RANBP2: variants seen among roughly 807,000 people sequenced by gnomAD.
RANBP2 encodes the protein E3 SUMO-protein ligase RanBP2.
In RANBP2, 57 loss-of-function variants were observed where a neutral mutation model predicts 303.6. That is an observed-to-expected ratio of 0.19 (90% CI 0.15 to 0.23). RANBP2 has a LOEUF of 0.23. Ranked by LOEUF, RANBP2 falls within the 10% of genes least tolerant of loss-of-function variation. The pLI, the probability that RANBP2 is intolerant of heterozygous loss-of-function variation, is 1.00. For synonymous variants in RANBP2, 1,167 were observed against 1,301.5 expected, an observed-to-expected ratio of 0.90 and a Z score of 2.23; for missense variants, 3,138 against 3,780.8, an observed-to-expected ratio of 0.83 and a Z score of 4.46.
chr2:109,487,704 G>A, the RANBP2 span, among the ~76,000 whole-genome samples: 19 of 152,168 alleles, frequency 1.2e-4, no homozygotes, highest in East Asian at 1.6e-3. Context: ...CATACCCCAC[G>A]TCCAGGCCCA....
the RANBP2 span, among the ~76,000 whole-genome samples, chr2:109,464,280 ACATT>A: frequency 6.6e-6 from 1 of 152,222 alleles, no homozygotes; most frequent in Admixed American, 6.5e-5. Context: ...AAATATACAC[ACATT>A]CATACATATA....
At chr2:109,559,246 G>A in the RANBP2 span, among the ~76,000 whole-genome samples, 1 of 152,148 alleles carries the variant, frequency 6.6e-6, no homozygotes, top group South Asian at 2.1e-4. Flanking sequence ...ACTATAATGA[G>A]CTACAAAAGC....
the RANBP2 span, among the ~76,000 whole-genome samples, chr2:109,660,467 A>G: frequency 6.6e-6 from 1 of 152,160 alleles, no homozygotes; most frequent in African/African-American, 2.4e-5. Context: ...CTTTCATTGC[A>G]TTGTGTGTTT....
the RANBP2 span, among the ~76,000 whole-genome samples, chr2:108,853,878 AATATAT>A: frequency 1.6e-5 from 2 of 124,856 alleles, no homozygotes; most frequent in African/African-American, 3.1e-5. Context: ...TATACTATAT[AATATAT>A]TATATAGTAT....
the RANBP2 span, among the ~76,000 whole-genome samples, chr2:109,431,654 T>C: frequency 6.6e-6 from 1 of 152,164 alleles, no homozygotes; most frequent in African/African-American, 2.4e-5. Flanking sequence ...GGAGGATTGC[T>C]TGAGACTAGG....
the RANBP2 span, among the ~76,000 whole-genome samples, chr2:109,667,616 T>A: frequency 3.3e-5 from 5 of 152,144 alleles, no homozygotes; most frequent in Admixed American, 3.3e-4. Flanking sequence ...TGTATCTCCA[T>A]GCCAACAATG....
chr2:108,930,702 T>C, the RANBP2 span, among the ~76,000 whole-genome samples: 1 of 152,260 alleles, frequency 6.6e-6, no homozygotes, highest in East Asian at 1.9e-4. Context: ...CACAGGGCTG[T>C]GTGTATCACA....
At chr2:109,045,705 C>T in the RANBP2 span, among the ~76,000 whole-genome samples, 9 of 152,064 alleles carry the variant, frequency 5.9e-5, no homozygotes, top group Admixed American at 5.2e-4. Flanking sequence ...ACTGGGGTTC[C>T]TGTGTGTGTT....
At chr2:108,800,090 T>G in the RANBP2 span, among the ~76,000 whole-genome samples, 1 of 152,284 alleles carries the variant, frequency 6.6e-6, no homozygotes, top group South Asian at 2.1e-4. Flanking sequence ...GATCTGTTGA[T>G]TATCTTTTTT....
the RANBP2 span, among the ~76,000 whole-genome samples, chr2:108,812,045 A>T: frequency 6.6e-6 from 1 of 152,194 alleles, no homozygotes. Context: ...TAAAAAAATA[A>T]TTGGATACCC....
chr2:109,582,804 A>G, the RANBP2 span, among the ~76,000 whole-genome samples: 6 of 152,234 alleles, frequency 3.9e-5, no homozygotes, highest in Non-Finnish European at 7.3e-5. Flanking sequence ...TAACCAAGAC[A>G]GCATGGTTGT....
At chr2:108,816,548 T>G in the RANBP2 span, among the ~76,000 whole-genome samples, 1 of 50,138 alleles carries the variant, frequency 2.0e-5, no homozygotes, top group Non-Finnish European at 4.6e-5. Flanking sequence ...GGGTATCACA[T>G]GGCTGGGGGC....
the RANBP2 span, among the ~76,000 whole-genome samples, chr2:108,944,986 T>C: frequency 6.6e-6 from 1 of 152,186 alleles, no homozygotes; most frequent in Non-Finnish European, 1.5e-5. Flanking sequence ...AAGGTTTCAG[T>C]GATCACCGTA....
the RANBP2 span, among the ~76,000 whole-genome samples, chr2:109,265,111 T>C: frequency 1.3e-5 from 2 of 152,098 alleles, no homozygotes; most frequent in African/African-American, 2.4e-5. Context: ...ACTTGAGGCG[T>C]TGCGAAATAG....
At chr2:108,805,920 G>A in the RANBP2 span, among the ~76,000 whole-genome samples, 10 of 152,076 alleles carry the variant, frequency 6.6e-5, no homozygotes, top group African/African-American at 2.4e-4. Flanking sequence ...GTAGATGTTG[G>A]AGCAGAAATT....
At chr2:109,127,857 A>C in the RANBP2 span, 1 of 152,242 alleles carries the variant, frequency 6.6e-6, no homozygotes, top group African/African-American at 2.4e-5. Flanking sequence ...AAAGCTATGG[A>C]AGTAAATATA....
the RANBP2 span, among the ~76,000 whole-genome samples, chr2:109,170,576 C>T: frequency 6.6e-6 from 1 of 152,076 alleles, no homozygotes; most frequent in Non-Finnish European, 1.5e-5. Flanking sequence ...GATCTCCTGA[C>T]CTCAACCTCG....
the RANBP2 span, among the ~76,000 whole-genome samples, chr2:109,016,829 G>A: frequency 2.6e-5 from 4 of 152,208 alleles, no homozygotes; most frequent in South Asian, 4.1e-4. Flanking sequence ...TGTGGCAGTC[G>A]CTGGCAGATA....
At chr2:109,290,830 A>T in the RANBP2 span, among the ~76,000 whole-genome samples, 2 of 152,250 alleles carry the variant, frequency 1.3e-5, no homozygotes, top group East Asian at 3.8e-4. Context: ...TGCCTGAAAC[A>T]TCTTTTCCAT....
Sources: gnomAD v4.1 joint callset for allele counts (sites outside exome capture counted in the v4.1 genomes callset) on GRCh38, gnomAD v4.1.1 for gene constraint, MANE v1.5 for transcripts, NCBI Gene and HGNC (gene_info 2026-07-23, HGNC 2026-07-21) for gene names.